Variants in PAK6 observed in about 807,000 individuals in gnomAD.
PAK6 encodes the protein serine/threonine-protein kinase PAK 6.
In PAK6, 33 loss-of-function variants were observed where a neutral mutation model predicts 60.8. The observed-to-expected ratio is 0.54, with a 90% CI of 0.41 to 0.73. PAK6 has a LOEUF of 0.73. Among genes scored for constraint, PAK6 ranks in the 30% least tolerant of loss-of-function variants. PAK6 has a pLI of 0.00. For synonymous variants in PAK6, 404 were observed against 378.5 expected, an observed-to-expected ratio of 1.07 and a Z score of -0.78; for missense variants, 845 against 904.1, an observed-to-expected ratio of 0.93 and a Z score of 0.84.
At chr15:40,240,734 G>A (rs1196447218) in intron 2 of PAK6, 53 bp downstream of exon 2, 2 of 424,454 alleles carry the variant, frequency 4.7e-6, no homozygotes, top group Admixed American at 2.7e-5. Flanking sequence ...AGGGACGGGG[G>A]TGCCAAGGTG....
intron 3 of PAK6, among the ~76,000 whole-genome samples, chr15:40,254,445 C>T (rs117362137): frequency 1.3e-5 from 2 of 152,290 alleles, no homozygotes; most frequent in East Asian, 3.9e-4. Flanking sequence ...GTCTCTGGAC[C>T]TCGTGGTGAC....
At chr15:40,263,707 T>A (rs1375010100) in intron 3 of PAK6, 1 of 327,740 alleles carries the variant, frequency 3.1e-6, no homozygotes, top group Non-Finnish European at 6.2e-6. Flanking sequence ...CTCAGCCTCC[T>A]GGGTTCAAGC....
intron 2 of PAK6, chr15:40,251,536 T>C (rs1209360910): frequency 2.0e-5 from 3 of 152,530 alleles, no homozygotes; most frequent in Non-Finnish European, 4.4e-5. Context: ...CAGTTAATCA[T>C]TGAAGTCTGA....
intron 3 of PAK6, among the ~76,000 whole-genome samples, chr15:40,258,072 A>G (rs1395423803): frequency 6.6e-6 from 1 of 152,106 alleles, no homozygotes; most frequent in Non-Finnish European, 1.5e-5. Context: ...AGCCCCCACC[A>G]TGACCTCTTG....
intron 5 of PAK6, among the ~76,000 whole-genome samples, chr15:40,267,465 C>G (rs575072524): frequency 1.6e-4 from 25 of 152,214 alleles, no homozygotes; most frequent in East Asian, 5.8e-4. Context: ...AGACCATCCT[C>G]GCTAACACGG....
intron 4 of PAK6, among the ~76,000 whole-genome samples, chr15:40,265,595 A>G (rs912635337): frequency 1.3e-5 from 2 of 152,200 alleles, no homozygotes; most frequent in African/African-American, 4.8e-5. Flanking sequence ...ATGCAGCCCC[A>G]TGGCACTCAC....
At chr15:40,241,565 C>T (rs1165718661) in intron 2 of PAK6, among the ~76,000 whole-genome samples, 3 of 152,146 alleles carry the variant, frequency 2.0e-5, no homozygotes, top group Non-Finnish European at 2.9e-5. Context: ...CACCTGGGAG[C>T]CCTAGTGACA....
chr15:40,252,806 A>G lies in PAK6; in HGVS notation c.-117-372A>G, dbSNP rs762531516. 3.2e-5 allele frequency: 42 copies of G among 1,297,216 alleles called. No individual in the cohort carries two copies. The Admixed American group carries it at 3.4e-4, about 11-fold the overall frequency. 80.4% of individuals were successfully genotyped at this position (1,297,216 alleles called of 1,614,324 possible). ...GTTCGGGACCAGCCGGCGCCAGGCG[A>G]GGGGCCTTGGGCGCAGGCATCTGGA... On this transcript the variant is annotated intron_variant, in intron 2 of 10. Coordinates refer to ENST00000560346, the Ensembl canonical transcript of PAK6.
At chr15:40,273,652 C>G in exon 9 of PAK6, 1 of 1,614,074 alleles carries the variant, frequency 6.2e-7, no homozygotes, top group Admixed American at 1.7e-5. Flanking sequence ...CTGAAGTGAT[C>G]TCCAGGTCTT....
chr15:40,255,293 TC>T (rs1307697455), intron 3 of PAK6, among the ~76,000 whole-genome samples: 1 of 152,186 alleles, frequency 6.6e-6, no homozygotes, highest in Non-Finnish European at 1.5e-5. Context: ...CCATTATCTC[TC>T]CCCTGGGGAT....
At position 40,273,998 on chromosome 15, in the gene PAK6, G is replaced by A. The variant is rs543835657; in HGVS notation, c.1744-144G>A. On this transcript the variant is annotated intron_variant, in intron 9 of 10. Coordinates refer to ENST00000560346, the Ensembl canonical transcript of PAK6. ...TCATGCAGGCAGTAACTGGCCACAGGGCAGGTGACCAGGGGAGGAAGGAGA... is the reference window on the plus strand; with the variant it reads ...TCATGCAGGCAGTAACTGGCCACAGAGCAGGTGACCAGGGGAGGAAGGAGA... The A allele has an allele frequency of 4.2e-6, 4 of 941,804 alleles. No individual in the cohort carries two copies. In the East Asian group the frequency reaches 9.6e-5, roughly 23 times the overall value. 58.3% of individuals were successfully genotyped at this position (941,804 alleles called of 1,614,324 possible).
At chr15:40,267,941 A>C (rs1190310111) in intron 5 of PAK6, among the ~76,000 whole-genome samples, 2 of 152,064 alleles carry the variant, frequency 1.3e-5, no homozygotes, top group African/African-American at 4.8e-5. Flanking sequence ...AGGGATTTGG[A>C]GAAAGGGGTT....
chr15:40,275,288 T>TTTTTTTTC, intron 10 of PAK6, among the ~76,000 whole-genome samples: 2 of 109,204 alleles, frequency 1.8e-5, no homozygotes, highest in Non-Finnish European at 3.8e-5. Context: ...TGGTTTTTTT[T>TTTTTTTTC]TTTTTTTTTT....
At chr15:40,239,380 C>T (rs544833620), upstream of PAK6, 3 of 152,518 alleles carry the variant, frequency 2.0e-5, no homozygotes, top group South Asian at 2.1e-4. Flanking sequence ...TGAGTCACCG[C>T]CCGCCTCGAG....
intron 2 of PAK6, chr15:40,247,384 T>C (rs2140945937): frequency 6.6e-6 from 1 of 151,876 alleles, no homozygotes; most frequent in East Asian, 1.9e-4. Context: ...TGAGTGTCCT[T>C]ACCACAGATC....
At chr15:40,272,785 C>T (rs2039346494) in intron 6 of PAK6, 64 bp downstream of exon 6, 3 of 1,584,154 alleles carry the variant, frequency 1.9e-6, no homozygotes, top group African/African-American at 1.3e-5. Context: ...GCCAGCCAGG[C>T]TGGACATCTG....
In PAK6 at chr15:40,273,898, G is replaced by T. The variant is rs181472960; in HGVS notation, c.1743+222G>T. 89 of 671,206 alleles carry T rather than the reference G, an allele frequency of 1.3e-4. No homozygotes were observed. In the African/African-American group the frequency reaches 1.4e-3, roughly 11 times the overall value. The allele number at this position is 671,206 out of a possible 1,614,324, so 41.6% of individuals were successfully genotyped here. A position where few individuals can be genotyped will look rare whatever the true frequency, so the allele number is the denominator to read the frequency against. On this transcript the variant is annotated intron_variant, in intron 9 of 10. Transcript: ENST00000560346. The stretch of plus-strand genomic sequence containing the variant: ...TTCCTCAGCTCAAGGGCAGAATGGG[G>T]TATGGCCGGGCCTCCTATGTATGAT...
At chr15:40,249,757 A>G (rs1026355259) in intron 2 of PAK6, among the ~76,000 whole-genome samples, 1 of 152,222 alleles carries the variant, frequency 6.6e-6, no homozygotes, top group Non-Finnish European at 1.5e-5. Flanking sequence ...TGGCACTCAG[A>G]TGTTACAACA....
At chr15:40,252,395 G>C (rs1240144835) in intron 2 of PAK6, 2 of 1,338,344 alleles carry the variant, frequency 1.5e-6, no homozygotes, top group Admixed American at 2.0e-5. Context: ...AGGGCGGGCG[G>C]GAACTGGGGC....
Sources: gnomAD v4.1 joint callset for allele counts (sites outside exome capture counted in the v4.1 genomes callset) on GRCh38, gnomAD v4.1.1 for gene constraint, MANE v1.5 for transcripts, NCBI Gene and HGNC (gene_info 2026-07-23, HGNC 2026-07-21) for gene names.